Variants in SGTB observed in about 807,000 individuals in gnomAD.
The protein encoded by SGTB is small glutamine rich tetratricopeptide repeat co-chaperone beta, also known as small glutamine-rich tetratricopeptide repeat-containing protein beta.
A neutral mutation model predicts 43.9 loss-of-function variants in SGTB; 19 were observed. The observed-to-expected ratio is 0.43, with a 90% CI of 0.30 to 0.63. The LOEUF (loss-of-function observed/expected upper bound fraction) is 0.63, where lower values mean the gene tolerates loss of function less well. Ranked by LOEUF, SGTB falls within the 30% of genes least tolerant of loss-of-function variation. The probability of loss-of-function intolerance (pLI) is 0.12; values close to 1 mark genes in which losing one functional copy is unlikely to be tolerated. For missense variants in SGTB, 304 were observed against 358.9 expected (o/e 0.85, Z 1.24); for synonymous variants, 116 against 117.3 (o/e 0.99, Z 0.07).
chr5:65,706,851 A>C (rs1217484343), intron 4 of SGTB, among the ~76,000 whole-genome samples: 1 of 152,168 alleles, frequency 6.6e-6, no homozygotes, highest in African/African-American at 2.4e-5. Context: ...ACAAAGTAGC[A>C]AAAATAAATA....
rs796784 is a variant in SGTB at position 65,668,423 on chromosome 5, G to C, written c.*1823C>G. On this transcript the variant is annotated 3_prime_UTR_variant, in exon 11 of 11. Transcript: ENST00000381007. ...TCAGGAGTTCGAGACCAGCCTGGCCGATACGGTGGAACTCTCTCCATTAAA... is the reference window on the plus strand; with the variant it reads ...TCAGGAGTTCGAGACCAGCCTGGCCCATACGGTGGAACTCTCTCCATTAAA... 42,945 of 151,052 alleles carry C rather than the reference G, an allele frequency of 0.28. 6,278 individuals carry two copies. The highest frequency in any genetic ancestry group is 0.33 in the Middle Eastern group (97 of 292). The allele number at this position is 151,052 out of a possible 1,614,324, so 9.4% of individuals were successfully genotyped here. A position where few individuals can be genotyped will look rare whatever the true frequency, so the allele number is the denominator to read the frequency against.
At chr5:65,693,895 C>T (rs1363142355) in intron 5 of SGTB, among the ~76,000 whole-genome samples, 1 of 152,202 alleles carries the variant, frequency 6.6e-6, no homozygotes, top group East Asian at 1.9e-4. Context: ...CTTTCTGCAA[C>T]AGAAAAGTTC....
chr5:65,672,340 A>G, intron 8 of SGTB, 59 bp from the exon 9 acceptor site: 1 of 1,542,944 alleles, frequency 6.5e-7, no homozygotes, highest in Non-Finnish European at 8.7e-7. Context: ...GATCTTAGCA[A>G]AGATTTTTTT....
rs557223710 is a variant in SGTB, at chr5:65,680,067, A to T, written c.681+427T>A. Among the ~76,000 whole-genome samples the T allele has an allele frequency of 1.2e-4, 19 of 152,354 alleles. No homozygotes were observed. The East Asian group carries it at 3.5e-3, about 28-fold the overall frequency. Reference sequence around the variant, plus strand: ...ACCATTTTACTTAACAAACTAACACAGGAAAAGAAAACCAAATAACACATG... The same window carrying T: ...ACCATTTTACTTAACAAACTAACACTGGAAAAGAAAACCAAATAACACATG... On this transcript the variant is annotated intron_variant, in intron 8 of 10. Transcript: ENST00000381007.
intron 5 of SGTB, among the ~76,000 whole-genome samples, chr5:65,695,833 C>T (rs557476184): frequency 6.6e-6 from 1 of 152,178 alleles, no homozygotes; most frequent in Non-Finnish European, 1.5e-5. Context: ...GGACTTTGTA[C>T]ATATTATCAC....
At chr5:65,699,256 T>C (rs1757768240) in intron 5 of SGTB, among the ~76,000 whole-genome samples, 1 of 152,168 alleles carries the variant, frequency 6.6e-6, no homozygotes, top group African/African-American at 2.4e-5. Flanking sequence ...GAGCTGGAGA[T>C]CATAACTCTA....
chr5:65,712,693 C>T (rs977618174), intron 3 of SGTB, among the ~76,000 whole-genome samples: 6 of 152,042 alleles, frequency 3.9e-5, no homozygotes, highest in African/African-American at 1.4e-4. Context: ...AAAAAATACT[C>T]AGATACTGTA....
intron 5 of SGTB, among the ~76,000 whole-genome samples, chr5:65,699,008 C>T (rs992207285): frequency 2.6e-5 from 4 of 152,030 alleles, no homozygotes; most frequent in African/African-American, 4.8e-5. Context: ...AGTTACCATT[C>T]GATCCAGGAA....
In SGTB at chr5:65,672,082, T is replaced by C. The variant is rs1757169777; in HGVS notation, c.720-84A>G. The stretch of plus-strand genomic sequence containing the variant: ...ACTGGACGAGGAAAAGTTAATAAAA[T>C]ACCCATGTTATACCAGAGGCTAGGC... On this transcript the variant is annotated intron_variant, in intron 9 of 10. Coordinates refer to ENST00000381007, the MANE Select transcript of SGTB (RefSeq NM_019072.3). The C allele has an allele frequency of 3.2e-6, 5 of 1,577,074 alleles. No individual in the cohort carries two copies. The African/African-American group carries it at 4.0e-5, about 13-fold the overall frequency.
At chr5:65,673,171 C>A (rs1054660475) in intron 8 of SGTB, among the ~76,000 whole-genome samples, 13 of 152,206 alleles carry the variant, frequency 8.5e-5, no homozygotes, top group African/African-American at 3.1e-4. Flanking sequence ...CCTCCTGTCA[C>A]TTTAAGTTCT....
intron 6 of SGTB, among the ~76,000 whole-genome samples, chr5:65,681,975 CA>C (rs562029850): frequency 1.4e-3 from 197 of 136,772 alleles, no homozygotes; most frequent in African/African-American, 2.9e-3. Context: ...AATTCCATCT[CA>C]AAAAAAAAAA....
rs537309614 is a variant in SGTB at position 65,688,659 on chromosome 5, T to C, written c.375-3187A>G. On this transcript the variant is annotated intron_variant, in intron 5 of 10. Transcript: ENST00000381007. ...TGATTTTTAAAATACAATCAGAAAATGACTCCTCTATACATAATACATAGG... is the reference window on the plus strand; with the variant it reads ...TGATTTTTAAAATACAATCAGAAAACGACTCCTCTATACATAATACATAGG... Among the ~76,000 whole-genome samples the C allele has an allele frequency of 2.0e-5, 3 of 152,294 alleles. No individual in the cohort carries two copies. The East Asian group carries it at 5.8e-4, about 29-fold the overall frequency.
In SGTB at chr5:65,720,791, T is replaced by C. The variant is rs781052684; in HGVS notation, c.17A>G (p.His6Arg). ...GAAACGAATAACTGCATAAACCAGGTGCTTGATAGATGACATTTTAGAAGC... is the reference window on the plus strand; with the variant it reads ...GAAACGAATAACTGCATAAACCAGGCGCTTGATAGATGACATTTTAGAAGC... The part of the protein sequence containing the change: MSSIK[H>R]LVYAVIRFLR... Residue 6 changes from histidine (H) to arginine (R), a missense_variant, in exon 2 of 11, where the codon CAC becomes CGC. Physicochemically the swap from His to Arg is conservative, Grantham distance 29 (BLOSUM62 0). Transcript: ENST00000381007. The C allele has an allele frequency of 6.2e-6, 10 of 1,613,582 alleles. No individual in the cohort carries two copies. The highest frequency in any genetic ancestry group is 7.6e-6 in the Non-Finnish European group (9 of 1,179,908).
At chr5:65,679,056 A>G (rs1299273204) in intron 8 of SGTB, among the ~76,000 whole-genome samples, 1 of 152,192 alleles carries the variant, frequency 6.6e-6, no homozygotes, top group Non-Finnish European at 1.5e-5. Flanking sequence ...GAGTAAACAG[A>G]CAACCTACAG....
chr5:65,716,891 G>A (rs1046286512), intron 2 of SGTB, among the ~76,000 whole-genome samples: 3 of 152,090 alleles, frequency 2.0e-5, no homozygotes, highest in African/African-American at 4.8e-5. Context: ...TATAGATAAT[G>A]AAAAGAAGAG....
At chr5:65,682,404 C>G (rs564427904) in intron 6 of SGTB, among the ~76,000 whole-genome samples, 4 of 152,146 alleles carry the variant, frequency 2.6e-5, no homozygotes, top group African/African-American at 9.7e-5. Flanking sequence ...CTGGCTTCTA[C>G]GTAGAGGATC....
intron 4 of SGTB, among the ~76,000 whole-genome samples, chr5:65,705,456 A>AAAAAAAG (rs1472831224): frequency 1.3e-5 from 2 of 152,162 alleles, no homozygotes; most frequent in Non-Finnish European, 2.9e-5. Flanking sequence ...CTGTCTTTAA[A>AAAAAAAG]AAAAAAGAAA....
At position 65,717,592 on chromosome 5, in the gene SGTB, A is replaced by G. The variant is rs764672785; in HGVS notation, c.100+3116T>C. Among the ~76,000 whole-genome samples, 21 of 151,972 alleles carry G rather than the reference A, an allele frequency of 1.4e-4. 1 individual carries two copies. The South Asian group carries it at 4.2e-3, about 30-fold the overall frequency. ...TGCCATCATATCCAGCTATTTTCTT[A>G]TTATTTCAGCTTTCTTGGTGGAGTA... is the stretch of plus-strand genomic sequence containing the variant. On this transcript the variant is annotated intron_variant, in intron 2 of 10. Transcript: ENST00000381007.
chr5:65,722,065 C>CCCCAGAA lies in SGTB; in HGVS notation c.-178_-172dup. 1 of 161,188 alleles carries CCCCAGAA rather than the reference C, an allele frequency of 6.2e-6. No individual in the cohort carries two copies. The highest frequency in any genetic ancestry group is 1.3e-5 in the Non-Finnish European group (1 of 74,602). The allele number at this position is 161,188 out of a possible 1,614,324, so 10.0% of individuals were successfully genotyped here. On this transcript the variant is annotated 5_prime_UTR_variant, in exon 1 of 11. Coordinates refer to ENST00000381007, the MANE Select transcript of SGTB (RefSeq NM_019072.3). ...ACTTCCCCGGCCCCTAGGCCGTAGACCCCAGAACCCACCAGGCTGTGCTCT... is the reference window on the plus strand; with the variant it reads ...ACTTCCCCGGCCCCTAGGCCGTAGACCCCAGAACCCAGAACCCACCAGGCTGTGCTCT...
Sources: allele counts gnomAD v4.1 joint callset (sites outside exome capture counted in the v4.1 genomes callset), GRCh38; gene constraint gnomAD v4.1.1; transcripts MANE v1.5; gene names NCBI Gene and HGNC (gene_info 2026-07-23, HGNC 2026-07-21).